The following NRIP2 variants were observed in gnomAD, a reference collection of about 807,000 sequenced individuals.
NRIP2 encodes the protein nuclear receptor interacting protein 2, also known as nuclear receptor-interacting protein 2.
Under a neutral mutation model 34.1 loss-of-function variants are expected in NRIP2, and 27 were observed. The ratio of observed to expected loss-of-function variants is 0.79; its 90% confidence interval spans 0.58 to 1.09. NRIP2 has a LOEUF of 1.09. Ranked by LOEUF, NRIP2 falls within the 50% of genes least tolerant of loss-of-function variation. The pLI is 0.00. For missense variants in NRIP2, 385 were observed against 352.6 expected (o/e 1.09, Z -0.74); for synonymous variants, 145 against 146.9 (o/e 0.99, Z 0.09).
At chr12:2,831,001 C>T (rs2097999932) in intron 1 of NRIP2, 141 bp from the exon 2 acceptor site, 2 of 738,944 alleles carry the variant, frequency 2.7e-6, no homozygotes, top group Non-Finnish European at 2.1e-6. Flanking sequence ...ACCCTAGGGT[C>T]CCAGATAATG....
intron 3 of NRIP2, 54 bp from the exon 4 acceptor site, chr12:2,828,101 C>A: frequency 1.3e-6 from 2 of 1,502,770 alleles, no homozygotes; most frequent in Non-Finnish European, 1.8e-6. Flanking sequence ...GGGTTCCACC[C>A]CATTAATCAG....
chr12:2,828,190 A>G (rs2097979373), intron 3 of NRIP2, 142 bp downstream of exon 3: 4 of 1,141,170 alleles, frequency 3.5e-6, no homozygotes, highest in Non-Finnish European at 5.2e-6. Context: ...TCTCTGCCAG[A>G]GTCTTCTAGC....
intron 1 of NRIP2, among the ~76,000 whole-genome samples, chr12:2,831,349 C>T (rs1049009055): frequency 6.6e-5 from 10 of 151,780 alleles, no homozygotes; most frequent in East Asian, 5.8e-4. Context: ...TTTGGGAGGC[C>T]GAGGTGGGTG....
intron 1 of NRIP2, among the ~76,000 whole-genome samples, chr12:2,832,573 C>T (rs1232895147): frequency 6.6e-6 from 1 of 152,026 alleles, no homozygotes; most frequent in African/African-American, 2.4e-5. Flanking sequence ...CCAGGATACC[C>T]TCTCTGAGTT....
At position 2,826,412 on chromosome 12, in the gene NRIP2, G is replaced by C. The variant is rs1480008524; in HGVS notation, c.*795C>G. On this transcript the variant is annotated 3_prime_UTR_variant, in exon 6 of 6. Transcript: ENST00000337508. ...TGGTGACAACCTCACTGTCCTGTCTGCCTCACAGGAGCAGTTCTCTACAAG... is the reference window on the plus strand; with the variant it reads ...TGGTGACAACCTCACTGTCCTGTCTCCCTCACAGGAGCAGTTCTCTACAAG... 6.6e-6 allele frequency: 1 copy of C among 152,058 alleles called. No individual in the cohort carries two copies. The allele number at this position is 152,058 out of a possible 1,614,324, so 9.4% of individuals were successfully genotyped here.
chr12:2,829,679 A>G (rs2097990035), intron 2 of NRIP2, among the ~76,000 whole-genome samples: 1 of 152,144 alleles, frequency 6.6e-6, no homozygotes, highest in Non-Finnish European at 1.5e-5. Flanking sequence ...AGGTGGGAGG[A>G]TCGCTTGAGT....
intron 1 of NRIP2, 93 bp from the exon 2 acceptor site, chr12:2,830,953 C>T: frequency 2.2e-6 from 3 of 1,362,996 alleles, no homozygotes; most frequent in Non-Finnish European, 3.0e-6. Context: ...AGGATGCTCC[C>T]CCCACCCCCC....
At chr12:2,832,017 C>T (rs541903171) in intron 1 of NRIP2, among the ~76,000 whole-genome samples, 2 of 152,228 alleles carry the variant, frequency 1.3e-5, no homozygotes, top group East Asian at 3.9e-4. Flanking sequence ...AATACATCTG[C>T]TTGGAGCTTC....
In NRIP2 at chr12:2,827,248, C is replaced by T. The variant is rs1010346675; in HGVS notation, c.805G>A (p.Glu269Lys). 2.5e-6 allele frequency: 4 copies of T among 1,614,144 alleles called. No individual in the cohort carries two copies. Among genetic ancestry groups the T allele is most frequent in the Non-Finnish European group, 3.4e-6 (4 of 1,180,026 alleles). The change falls in exon 6 of 6, where the codon GAG (glutamate) becomes AAG (lysine). Residue 269 changes from glutamate to lysine, a missense_variant. Glu to Lys is a moderately conservative substitution (Grantham distance 56). Transcript: ENST00000337508. This position sits in a 1 kb window ranked among gnomAD's most constrained non-coding sequence, Gnocchi z 4.0. ...TGGTACAAAGGCAGGAAGGGTAGCT[C>T]TGAGAACGGGGCTTTCAGCCGCAGC... ...GVLRLKAPFS[E>K]LPFLPLYQEP...
intron 1 of NRIP2, 90 bp from the exon 2 acceptor site, chr12:2,830,950 T>TCCCCCCCCCCCCCCCCCCCC (rs544510879): frequency 1.4e-6 from 2 of 1,383,864 alleles, no homozygotes; most frequent in African/African-American, 3.0e-5. Context: ...CCCAGGATGC[T>TCCCCCCCCCCCCCCCCCCCC]CCCCCCACCC....
chr12:2,834,574 C>G, intron 1 of NRIP2, 68 bp downstream of exon 1: 1 of 1,515,820 alleles, frequency 6.6e-7, no homozygotes, highest in East Asian at 2.3e-5. Context: ...GTCCTGCCTC[C>G]TGCTCAGGAT....
rs746440303 is a variant in NRIP2 at position 2,834,985 on chromosome 12, C to A, written c.-2G>T. ...GGAAAGAGGAAAAATAAATAACATG[C>A]AGGAGCAGCCGCGTCAGTCTCCAAT... is the stretch of plus-strand genomic sequence containing the variant. On this transcript the variant is annotated 5_prime_UTR_variant, in exon 1 of 6. Coordinates refer to ENST00000337508, the MANE Select transcript of NRIP2 (RefSeq NM_031474.3). 3.8e-5 allele frequency: 59 copies of A among 1,558,788 alleles called. 2 individuals are homozygous for A. In the South Asian group the frequency reaches 7.0e-4, roughly 19 times the overall value.
At chr12:2,834,476 C>G (rs7301350) in intron 1 of NRIP2, among the ~76,000 whole-genome samples, 166 bp downstream of exon 1, 1 of 152,130 alleles carries the variant, frequency 6.6e-6, no homozygotes, top group African/African-American at 2.4e-5. Flanking sequence ...TGGGAACATC[C>G]CCGGTGAAGA....
In NRIP2 at chr12:2,834,728, T is replaced by A. The variant is rs754808848; in HGVS notation, c.256A>T (p.Lys86Ter). The part of the protein sequence containing the change: ...RAHLSQQRRL[K>*]QATQFLHKDS... The stretch of plus-strand genomic sequence containing the variant: ...TTGTGCAGGAACTGGGTGGCCTGTT[T>A]GAGCCGGCGCTGCTGGCTCAGGTGG... Residue 86 changes from lysine to a stop codon, truncating the protein, a stop_gained, in exon 1 of 6, where the codon AAA (lysine) becomes TAA (stop). Transcript: ENST00000337508. LOFTEE classifies it high-confidence loss of function. 6.2e-7 allele frequency: 1 copy of A among 1,614,024 alleles called. No individual in the cohort carries two copies. The highest frequency in any genetic ancestry group is 1.7e-5 in the Admixed American group (1 of 59,996).
Position 2,830,828 on chromosome 12 carries a change from C to T in NRIP2, c.375G>A (p.Val125=). 1 of 1,613,712 alleles carries T rather than the reference C, an allele frequency of 6.2e-7. No individual in the cohort carries two copies. Among genetic ancestry groups the T allele is most frequent in the Non-Finnish European group, 8.5e-7 (1 of 1,179,840 alleles). The change falls in exon 2 of 6, where the codon GTG becomes GTA. Residue 125 remains valine, a synonymous_variant. Transcript: ENST00000337508. ...QPRSVIQRRL[V]EGNPNWLQGE... ...CCTGAAGCCAATTCGGGTTTCCCTC[C>T]ACCAGGCGTCTTTGGATCACACTGC... is the stretch of plus-strand genomic sequence containing the variant.
At chr12:2,833,501 C>T (rs1461367669) in intron 1 of NRIP2, among the ~76,000 whole-genome samples, 1 of 151,834 alleles carries the variant, frequency 6.6e-6, no homozygotes, top group Admixed American at 6.6e-5. Flanking sequence ...TAGGGAAAGG[C>T]GAGGTGCTGC....
intron 1 of NRIP2, among the ~76,000 whole-genome samples, chr12:2,832,126 A>G (rs2098006294): frequency 6.6e-6 from 1 of 152,078 alleles, no homozygotes; most frequent in Admixed American, 6.6e-5. Context: ...TCTCATACCT[A>G]CCGAATCAGA....
At chr12:2,830,384 G>GT (rs1034604345) in intron 2 of NRIP2, 2 of 216,238 alleles carry the variant, frequency 9.2e-6, no homozygotes, top group South Asian at 1.4e-4. Context: ...GAACACATGA[G>GT]TTTTTTCCAG....
At chr12:2,831,350 G>A (rs1162213709) in intron 1 of NRIP2, among the ~76,000 whole-genome samples, 2 of 151,980 alleles carry the variant, frequency 1.3e-5, no homozygotes, top group East Asian at 1.9e-4. Flanking sequence ...TTGGGAGGCC[G>A]AGGTGGGTGG....
Sources: allele counts gnomAD v4.1 joint callset (sites outside exome capture counted in the v4.1 genomes callset), GRCh38; gene constraint gnomAD v4.1.1; non-coding constraint Gnocchi (gnomAD v3.1); transcripts MANE v1.5; gene names NCBI Gene and HGNC (gene_info 2026-07-23, HGNC 2026-07-21).